Variants in F13A1 observed in about 807,000 individuals in gnomAD.
F13A1 encodes the protein coagulation factor XIII A chain.
F13A1 carries 47 observed loss-of-function variants against 80.1 expected under a neutral mutation model. The ratio of observed to expected loss-of-function variants is 0.59; its 90% CI spans 0.46 to 0.75. The LOEUF is 0.75. F13A1 is among the 30% of genes least tolerant of loss of function. The pLI, the probability that F13A1 is intolerant of heterozygous loss-of-function variation, is 0.00. For synonymous variants in F13A1, 349 were observed against 344.9 expected, an observed-to-expected ratio of 1.01 and a Z score of -0.13; for missense variants, 817 against 930.4, an observed-to-expected ratio of 0.88 and a Z score of 1.59.
intron 8 of F13A1, among the ~76,000 whole-genome samples, chr6:6,213,548 C>A (rs1201368637): frequency 1.4e-5 from 2 of 143,736 alleles, no homozygotes; most frequent in South Asian, 2.4e-4. Flanking sequence ...TGGAAAGGAA[C>A]AACCGGTACC....
At chr6:6,300,025 G>A (rs925296647) in intron 3 of F13A1, among the ~76,000 whole-genome samples, 2 of 147,298 alleles carry the variant, frequency 1.4e-5, no homozygotes, top group African/African-American at 2.7e-5. Flanking sequence ...GTGTCAGTGT[G>A]CCCCTGCTGG....
chr6:6,196,199 T>C (rs1379580477), intron 9 of F13A1, among the ~76,000 whole-genome samples: 1 of 152,238 alleles, frequency 6.6e-6, no homozygotes, highest in Non-Finnish European at 1.5e-5. Context: ...TCAGGTGGTA[T>C]CTGAAATGTT....
At chr6:6,284,487 T>C (rs1382898455) in intron 3 of F13A1, among the ~76,000 whole-genome samples, 1 of 152,206 alleles carries the variant, frequency 6.6e-6, no homozygotes, top group Non-Finnish European at 1.5e-5. Flanking sequence ...TTAATTGCTT[T>C]AATACAAAAG....
At chr6:6,199,138 T>A (rs1434047446) in intron 8 of F13A1, among the ~76,000 whole-genome samples, 1 of 152,198 alleles carries the variant, frequency 6.6e-6, no homozygotes, top group African/African-American at 2.4e-5. Context: ...TAGTGCGAAG[T>A]GGTGTTCTAA....
intron 4 of F13A1, among the ~76,000 whole-genome samples, chr6:6,261,352 C>T (rs1164538550): frequency 1.3e-5 from 2 of 151,988 alleles, no homozygotes; most frequent in African/African-American, 2.4e-5. Context: ...ACTCCTGGGC[C>T]CAAGCAATCC....
chr6:6,165,955 G>A (rs1583051187), intron 13 of F13A1, among the ~76,000 whole-genome samples: 2 of 152,392 alleles, frequency 1.3e-5, no homozygotes, highest in South Asian at 2.1e-4. Flanking sequence ...TAGAAAAGAA[G>A]GGCCTGGTGT....
chr6:6,212,623 T>A (rs562905978), intron 8 of F13A1, among the ~76,000 whole-genome samples: 19 of 152,194 alleles, frequency 1.2e-4, no homozygotes, highest in African/African-American at 4.6e-4. Context: ...GCAGAGCGCC[T>A]CTCCTCCTCC....
At chr6:6,275,242 G>A (rs572015836) in intron 3 of F13A1, among the ~76,000 whole-genome samples, 14 of 152,192 alleles carry the variant, frequency 9.2e-5, no homozygotes, top group African/African-American at 1.4e-4. Flanking sequence ...GGAAGTAGAC[G>A]CAACAGGTAT....
rs191863748 is a variant in F13A1, at chr6:6,218,776, C to G, written c.1112+3257G>C. Among the ~76,000 whole-genome samples the G allele has an allele frequency of 3.0e-4, 45 of 152,298 alleles. No homozygotes were observed. In the East Asian group the frequency reaches 6.2e-3, roughly 21 times the overall value. On this transcript the variant is annotated intron_variant, in intron 8 of 14. Transcript: ENST00000264870. ...CAGGAAGCAGTCTGTCCTTGATGGT[C>G]TGCAGTAGTAAGGCGAGAAGGGTCA...
intron 4 of F13A1, among the ~76,000 whole-genome samples, chr6:6,262,400 G>T (rs1247394546): frequency 6.6e-6 from 1 of 152,252 alleles, no homozygotes; most frequent in Non-Finnish European, 1.5e-5. Context: ...TGAAATTGAA[G>T]GTGACGGTCA....
intron 14 of F13A1, among the ~76,000 whole-genome samples, chr6:6,149,029 G>A (rs1760329839): frequency 6.6e-6 from 1 of 151,934 alleles, no homozygotes; most frequent in African/African-American, 2.4e-5. Flanking sequence ...GAAGCAAAGA[G>A]CAGAACAGTG....
chr6:6,239,809 C>T (rs1757462297), intron 6 of F13A1, among the ~76,000 whole-genome samples: 1 of 149,932 alleles, frequency 6.7e-6, no homozygotes, highest in Non-Finnish European at 1.5e-5. Context: ...ATAGAACAGG[C>T]CTCAAAAATA....
chr6:6,190,494 C>T (rs1761167694), intron 10 of F13A1, among the ~76,000 whole-genome samples: 1 of 149,336 alleles, frequency 6.7e-6, no homozygotes, highest in South Asian at 2.2e-4. Flanking sequence ...TGTAAGGTGT[C>T]AGTGTTCCCC....
chr6:6,212,692 G>T (rs551746112), intron 8 of F13A1, among the ~76,000 whole-genome samples: 2 of 152,214 alleles, frequency 1.3e-5, no homozygotes, highest in East Asian at 1.9e-4. Flanking sequence ...TAACTTTGAC[G>T]AGCTGAGAGA....
At chr6:6,180,118 C>T (rs570867005) in intron 11 of F13A1, among the ~76,000 whole-genome samples, 1 of 152,356 alleles carries the variant, frequency 6.6e-6, no homozygotes, top group Admixed American at 6.5e-5. Flanking sequence ...ACTACTCTGT[C>T]TGGTCAGGAC....
chr6:6,194,712 A>G (rs907336983), intron 10 of F13A1, among the ~76,000 whole-genome samples: 3 of 152,208 alleles, frequency 2.0e-5, no homozygotes, highest in Non-Finnish European at 4.4e-5. Context: ...CCTGGCATCT[A>G]GAAATACGTT....
At chr6:6,314,364 G>A (rs1486654708) in intron 2 of F13A1, among the ~76,000 whole-genome samples, 2 of 152,114 alleles carry the variant, frequency 1.3e-5, no homozygotes, top group South Asian at 2.1e-4. Context: ...ATCTGCAGGA[G>A]GAAAGCAAGA....
intron 3 of F13A1, among the ~76,000 whole-genome samples, chr6:6,274,711 C>T (rs1473351276): frequency 6.6e-6 from 1 of 152,194 alleles, no homozygotes; most frequent in East Asian, 1.9e-4. Flanking sequence ...CCTGGGACTA[C>T]TGGTCACGAG....
chr6:6,261,550 T>G (rs985911398), intron 4 of F13A1, among the ~76,000 whole-genome samples: 2 of 152,260 alleles, frequency 1.3e-5, no homozygotes, highest in Non-Finnish European at 2.9e-5. Context: ...CTACTCAACC[T>G]GAGGGTGCTG....
Sources: gnomAD v4.1 joint callset for allele counts (sites outside exome capture counted in the v4.1 genomes callset) on GRCh38, gnomAD v4.1.1 for gene constraint, MANE v1.5 for transcripts, NCBI Gene and HGNC (gene_info 2026-07-23, HGNC 2026-07-21) for gene names.